The following SLC35F1 variants were observed in gnomAD, a reference collection of about 807,000 sequenced individuals.
SLC35F1 encodes solute carrier family 35 member F1.
SLC35F1 carries 14 observed loss-of-function variants against 48.7 expected under a neutral mutation model. The ratio of observed to expected loss-of-function variants is 0.29; its 90% CI spans 0.19 to 0.45. SLC35F1 has a LOEUF of 0.45. Ranked by LOEUF, SLC35F1 falls within the 20% of genes least tolerant of loss-of-function variation. SLC35F1 has a pLI of 1.00. For synonymous variants in SLC35F1, 190 were observed against 202.2 expected (o/e 0.94, Z 0.51); for missense variants, 404 against 500.0 (o/e 0.81, Z 1.83).
intron 2 of SLC35F1, among the ~76,000 whole-genome samples, chr6:118,212,142 A>G (rs1207459425): frequency 2.0e-5 from 3 of 152,162 alleles, no homozygotes; most frequent in Non-Finnish European, 4.4e-5. Context: ...GCTAGGCCAA[A>G]GTTTCTTTTC....
chr6:117,922,418 T>C (rs568696318), intron 1 of SLC35F1, among the ~76,000 whole-genome samples: 1 of 152,348 alleles, frequency 6.6e-6, no homozygotes, highest in Admixed American at 6.5e-5. Flanking sequence ...ATCATTTGCA[T>C]GTTACTTTAA....
intron 1 of SLC35F1, among the ~76,000 whole-genome samples, chr6:118,054,813 G>C (rs905106041): frequency 6.6e-6 from 1 of 151,326 alleles, no homozygotes; most frequent in African/African-American, 2.4e-5. Flanking sequence ...GAGTCTCGCT[G>C]TGTCACCAGG....
chr6:118,276,051 C>T (rs536171787), intron 5 of SLC35F1, among the ~76,000 whole-genome samples: 39 of 152,114 alleles, frequency 2.6e-4, no homozygotes, highest in African/African-American at 8.0e-4. Context: ...TTTTACTGCC[C>T]GTGGATTTGC....
At chr6:118,063,849 A>T (rs994406098) in intron 1 of SLC35F1, among the ~76,000 whole-genome samples, 1 of 152,202 alleles carries the variant, frequency 6.6e-6, no homozygotes, top group Non-Finnish European at 1.5e-5. Context: ...TTGAAAACTT[A>T]GTATCAATTG....
At chr6:118,126,589 G>A (rs1582680076) in intron 1 of SLC35F1, among the ~76,000 whole-genome samples, 3 of 151,268 alleles carry the variant, frequency 2.0e-5, no homozygotes, top group Non-Finnish European at 2.9e-5. Flanking sequence ...CCATTTTCAC[G>A]ATATTGATTC....
chr6:117,941,235 C>T (rs1313552325), intron 1 of SLC35F1, among the ~76,000 whole-genome samples: 1 of 152,064 alleles, frequency 6.6e-6, no homozygotes, highest in Non-Finnish European at 1.5e-5. Context: ...AGCTCTTGTA[C>T]CTCTTGAGAA....
intron 2 of SLC35F1, among the ~76,000 whole-genome samples, chr6:118,194,935 C>A (rs1358722055): frequency 6.6e-6 from 1 of 152,086 alleles, no homozygotes; most frequent in Non-Finnish European, 1.5e-5. Context: ...CAGGCAGAAG[C>A]CTCTCAATTT....
At chr6:118,296,725 G>C (rs1267534811) in intron 7 of SLC35F1, among the ~76,000 whole-genome samples, 1 of 152,198 alleles carries the variant, frequency 6.6e-6, no homozygotes, top group Non-Finnish European at 1.5e-5. Context: ...TACTGCAGAA[G>C]TTTCAAACGG....
At chr6:117,923,686 C>T (rs9387521) in intron 1 of SLC35F1, among the ~76,000 whole-genome samples, 6 of 65,302 alleles carry the variant, frequency 9.2e-5, no homozygotes, top group African/African-American at 1.8e-4. Flanking sequence ...TACATATATA[C>T]ATATGTACAT....
chr6:118,258,358 A>C (rs1775671715), intron 3 of SLC35F1, among the ~76,000 whole-genome samples: 1 of 152,136 alleles, frequency 6.6e-6, no homozygotes, highest in South Asian at 2.1e-4. Flanking sequence ...TACCCAACTG[A>C]TATTTTCCAG....
intron 2 of SLC35F1, among the ~76,000 whole-genome samples, chr6:118,204,190 A>AG (rs1450680415): frequency 6.6e-6 from 1 of 151,834 alleles, no homozygotes; most frequent in Admixed American, 6.6e-5. Flanking sequence ...AGCCCAGCCA[A>AG]GGGAATAGTG....
At chr6:118,191,402 A>AT (rs1038381724) in intron 2 of SLC35F1, among the ~76,000 whole-genome samples, 1 of 152,204 alleles carries the variant, frequency 6.6e-6, no homozygotes, top group African/African-American at 2.4e-5. Flanking sequence ...ATATTCATAG[A>AT]TAAGAGTCTC....
chr6:118,219,171 A>G (rs1029897751), intron 2 of SLC35F1, among the ~76,000 whole-genome samples: 3 of 152,216 alleles, frequency 2.0e-5, no homozygotes, highest in South Asian at 2.1e-4. Context: ...AATGTCCCCA[A>G]TAGAACATGT....
At chr6:118,269,645 A>G (rs1010022657) in intron 4 of SLC35F1, among the ~76,000 whole-genome samples, 1 of 151,976 alleles carries the variant, frequency 6.6e-6, no homozygotes, top group Non-Finnish European at 1.5e-5. Flanking sequence ...TTTCATGTCT[A>G]TGGCAGAGTT....
Position 118,266,984 on chromosome 6 carries a change from C to G in SLC35F1, c.478-11C>G, listed in dbSNP as rs749722015. On this transcript the variant is annotated splice_polypyrimidine_tract_variant and intron_variant, in intron 3 of 7. Transcript: ENST00000360388. The stretch of plus-strand genomic sequence containing the variant: ...TCTCCTGTTGTTGTTTACCTTCATC[C>G]CTCCCAATAGCTCCTGGACTGTTTT... 12 of 1,613,326 alleles carry G rather than the reference C, an allele frequency of 7.4e-6. No individual in the cohort carries two copies. Among genetic ancestry groups the G allele is most frequent in the Non-Finnish European group, 1.0e-5 (12 of 1,179,380 alleles).
intron 1 of SLC35F1, among the ~76,000 whole-genome samples, chr6:118,028,426 T>C (rs1179095934): frequency 2.0e-5 from 3 of 152,074 alleles, no homozygotes; most frequent in Admixed American, 2.0e-4. Context: ...ATAGAGATGG[T>C]AAAGATAGTA....
intron 3 of SLC35F1, 90 bp downstream of exon 3, chr6:118,235,726 T>G: frequency 7.3e-7 from 1 of 1,377,048 alleles, no homozygotes. Flanking sequence ...ATACTACAAG[T>G]TACTATCTGT....
intron 3 of SLC35F1, among the ~76,000 whole-genome samples, chr6:118,259,711 A>AC (rs1775688514): frequency 6.6e-6 from 1 of 151,720 alleles, no homozygotes; most frequent in Non-Finnish European, 1.5e-5. Flanking sequence ...AATCAAAAAA[A>AC]AAAATACAGT....
intron 1 of SLC35F1, among the ~76,000 whole-genome samples, chr6:118,009,562 A>G (rs1293458586): frequency 6.6e-6 from 1 of 152,178 alleles, no homozygotes; most frequent in African/African-American, 2.4e-5. Context: ...ACATTAATGC[A>G]AGTGGACAGT....
Sources: gnomAD v4.1 joint callset for allele counts (sites outside exome capture counted in the v4.1 genomes callset) on GRCh38, gnomAD v4.1.1 for gene constraint, MANE v1.5 for transcripts, NCBI Gene and HGNC (gene_info 2026-07-23, HGNC 2026-07-21) for gene names.